The following PEBP4 variants were observed in gnomAD, a reference collection of about 807,000 sequenced individuals.
The protein encoded by PEBP4 is phosphatidylethanolamine binding protein 4, also known as phosphatidylethanolamine-binding protein 4.
PEBP4 carries 22 observed loss-of-function variants against 23.9 expected under a neutral mutation model. That is an observed-to-expected ratio of 0.92 (90% CI 0.66 to 1.31). PEBP4 has a LOEUF of 1.31. Among genes scored for constraint, PEBP4 ranks in the 40% most tolerant of loss-of-function variants. The pLI, the probability that PEBP4 is intolerant of heterozygous loss-of-function variation, is 0.00. For missense variants in PEBP4, 324 were observed against 281.7 expected (o/e 1.15, Z -1.07); for synonymous variants, 112 against 99.3 (o/e 1.13, Z -0.76).
chr8:22,864,134 T>C (rs1171161941), intron 3 of PEBP4, among the ~76,000 whole-genome samples: 2 of 152,242 alleles, frequency 1.3e-5, no homozygotes, highest in African/African-American at 4.8e-5. Flanking sequence ...CTCGCGCTTT[T>C]GTTCGTGAAC....
At chr8:22,830,929 G>C (rs1807072535) in intron 3 of PEBP4, among the ~76,000 whole-genome samples, 1 of 152,136 alleles carries the variant, frequency 6.6e-6, no homozygotes, top group Non-Finnish European at 1.5e-5. Flanking sequence ...ATGTGATCCT[G>C]CTGCTTAAAA....
At chr8:22,882,841 C>T (rs1808292417) in intron 3 of PEBP4, among the ~76,000 whole-genome samples, 1 of 152,174 alleles carries the variant, frequency 6.6e-6, no homozygotes. Context: ...AGGGTGGGTA[C>T]TAGACCACTA....
In PEBP4 at chr8:22,751,606, G is replaced by GTC. The variant is rs1380641775; in HGVS notation, c.358-24387_358-24386insGA. Among the ~76,000 whole-genome samples the GTC allele has an allele frequency of 1.9e-3, 251 of 132,630 alleles. 1 individual carries two copies. Among genetic ancestry groups the GTC allele is most frequent in the African/African-American group, 6.5e-3 (240 of 36,890 alleles). The allele number at this position is 132,630 out of a possible 152,430, so 87.0% of individuals were successfully genotyped here. ...AGTGTGTCTGTGTGTGTGTGTGTGT[G>GTC]TGTCTGTGTGTGTGTGTGTGTCTCT... On this transcript the variant is annotated intron_variant, in intron 4 of 6. Coordinates refer to ENST00000256404, the MANE Select transcript of PEBP4 (RefSeq NM_144962.3).
At chr8:22,940,111 C>G (rs1442575572) in intron 1 of PEBP4, among the ~76,000 whole-genome samples, 1 of 152,206 alleles carries the variant, frequency 6.6e-6, no homozygotes, top group Non-Finnish European at 1.5e-5. Flanking sequence ...CCTAGTGAAG[C>G]TATGTATTTA....
intron 3 of PEBP4, chr8:22,885,468 G>A (rs1045087749): frequency 3.3e-5 from 5 of 152,134 alleles, no homozygotes; most frequent in Non-Finnish European, 7.3e-5. Context: ...TATGACTGCC[G>A]AGCTGGGTTA....
intron 6 of PEBP4, among the ~76,000 whole-genome samples, chr8:22,714,758 C>G (rs939863894): frequency 4.6e-5 from 7 of 152,070 alleles, no homozygotes; most frequent in Non-Finnish European, 8.8e-5. Context: ...TGCCTGTCTC[C>G]TCGGTCAGCA....
At chr8:22,936,371 TCC>T (rs1809540687) in intron 1 of PEBP4, among the ~76,000 whole-genome samples, 1 of 152,054 alleles carries the variant, frequency 6.6e-6, no homozygotes, top group Non-Finnish European at 1.5e-5. Context: ...ATGGACAAAT[TCC>T]TGGAAACATA....
At chr8:22,929,683 C>T (rs1809424955), upstream of PEBP4, among the ~76,000 whole-genome samples, 1 of 152,164 alleles carries the variant, frequency 6.6e-6, no homozygotes, top group South Asian at 2.1e-4. Flanking sequence ...CTGGTTGAAC[C>T]TGTGGAAACT....
At chr8:22,847,468 C>T (rs1807461809) in intron 3 of PEBP4, among the ~76,000 whole-genome samples, 1 of 152,136 alleles carries the variant, frequency 6.6e-6, no homozygotes. Flanking sequence ...GGCAGGAAGA[C>T]CCCCAAGGGA....
intron 1 of PEBP4, among the ~76,000 whole-genome samples, chr8:22,939,978 T>C (rs150620645): frequency 4.7e-4 from 72 of 152,294 alleles, no homozygotes; most frequent in African/African-American, 1.7e-3. Flanking sequence ...ACTTCACCCA[T>C]GGAATGGCAG....
intron 3 of PEBP4, among the ~76,000 whole-genome samples, chr8:22,851,929 C>G (rs1807560211): frequency 2.0e-5 from 3 of 152,096 alleles, no homozygotes; most frequent in Admixed American, 2.0e-4. Context: ...AGCTCTGACC[C>G]CAGCGCCCAG....
At chr8:22,804,098 G>A (rs1400841142) in intron 4 of PEBP4, among the ~76,000 whole-genome samples, 1 of 152,212 alleles carries the variant, frequency 6.6e-6, no homozygotes, top group Non-Finnish European at 1.5e-5. Context: ...GGGAGGCCGA[G>A]GTGGGAGGAT....
intron 4 of PEBP4, among the ~76,000 whole-genome samples, chr8:22,808,531 G>C (rs1806549770): frequency 6.6e-6 from 1 of 152,198 alleles, no homozygotes; most frequent in South Asian, 2.1e-4. Flanking sequence ...TAATAATGAG[G>C]GCACTAATTG....
chr8:22,713,679 C>T, intron 6 of PEBP4, 143 bp from the exon 7 acceptor site: 1 of 1,154,072 alleles, frequency 8.7e-7, no homozygotes, highest in Non-Finnish European at 1.2e-6. Context: ...GCTGGGGGAG[C>T]TTCCGGCTCC....
chr8:22,843,985 G>T (rs563193620), intron 3 of PEBP4, among the ~76,000 whole-genome samples: 2 of 152,114 alleles, frequency 1.3e-5, no homozygotes, highest in Non-Finnish European at 2.9e-5. Context: ...TCCTTAGAAA[G>T]CACAAAAGCG....
At chr8:22,842,385 A>G (rs1452978743) in intron 3 of PEBP4, among the ~76,000 whole-genome samples, 2 of 152,216 alleles carry the variant, frequency 1.3e-5, no homozygotes, top group Non-Finnish European at 2.9e-5. Context: ...TTCCAGCCAC[A>G]TGGAAAACGG....
chr8:22,897,806 T>C (rs964748391), intron 3 of PEBP4: 1 of 152,210 alleles, frequency 6.6e-6, no homozygotes, highest in Non-Finnish European at 1.5e-5. Flanking sequence ...AAATGAACCA[T>C]GTCTCCCAAA....
intron 2 of PEBP4, among the ~76,000 whole-genome samples, chr8:22,922,250 C>A (rs1809219104): frequency 6.6e-6 from 1 of 152,056 alleles, no homozygotes; most frequent in African/African-American, 2.4e-5. Flanking sequence ...AGGCCTCTGC[C>A]CTGCTCAGCT....
At chr8:22,914,516 C>T (rs1367362602) in intron 3 of PEBP4, among the ~76,000 whole-genome samples, 2 of 152,214 alleles carry the variant, frequency 1.3e-5, no homozygotes, top group South Asian at 2.1e-4. Flanking sequence ...TCATTCACTC[C>T]TTGGTCCCCT....
Sources: gnomAD v4.1 joint callset for allele counts (sites outside exome capture counted in the v4.1 genomes callset) on GRCh38, gnomAD v4.1.1 for gene constraint, MANE v1.5 for transcripts, NCBI Gene and HGNC (gene_info 2026-07-23, HGNC 2026-07-21) for gene names.